THAP4: variants seen among roughly 807,000 people sequenced by gnomAD.
THAP4 encodes THAP domain containing 4, also known as peroxynitrite isomerase THAP4.
A neutral mutation model predicts 48.1 loss-of-function variants in THAP4; 18 were observed. The ratio of observed to expected loss-of-function variants is 0.37; its 90% CI spans 0.26 to 0.56. THAP4 has a LOEUF of 0.56. THAP4 is among the 20% of genes least tolerant of loss of function. The pLI, the probability that THAP4 is intolerant of heterozygous loss-of-function variation, is 0.78. For synonymous variants in THAP4, 345 were observed against 324.9 expected (o/e 1.06, Z -0.66); for missense variants, 656 against 774.9 (o/e 0.85, Z 1.82).
chr2:241,597,608 C>T (rs1358129475), intron 5 of THAP4, among the ~76,000 whole-genome samples: 1 of 152,230 alleles, frequency 6.6e-6, no homozygotes, highest in Admixed American at 6.5e-5. Context: ...CCTTTCACCC[C>T]CGCACAAGCC....
At chr2:241,604,238 T>C (rs2067152541) in intron 3 of THAP4, among the ~76,000 whole-genome samples, 1 of 151,108 alleles carries the variant, frequency 6.6e-6, no homozygotes, top group African/African-American at 2.4e-5. Context: ...ACCCGGCTAA[T>C]TTATTTATTT....
intron 2 of THAP4, among the ~76,000 whole-genome samples, chr2:241,617,726 C>T (rs1343160912): frequency 5.3e-5 from 8 of 152,180 alleles, no homozygotes; most frequent in Non-Finnish European, 8.8e-5. Context: ...CCTCAGCCTC[C>T]TCCACCAGCT....
At chr2:241,597,224 A>G (rs1319846876) in intron 5 of THAP4, among the ~76,000 whole-genome samples, 1 of 152,094 alleles carries the variant, frequency 6.6e-6, no homozygotes, top group Non-Finnish European at 1.5e-5. Context: ...TCCGCTGCCT[A>G]CCAGTTTCAA....
At chr2:241,591,237 T>C (rs1251665585) in intron 5 of THAP4, among the ~76,000 whole-genome samples, 1 of 151,906 alleles carries the variant, frequency 6.6e-6, no homozygotes, top group Non-Finnish European at 1.5e-5. Context: ...CGGCTGATGA[T>C]CATGGGCACT....
chr2:241,622,928 C>T (rs941237808), intron 2 of THAP4, among the ~76,000 whole-genome samples: 3 of 152,110 alleles, frequency 2.0e-5, no homozygotes, highest in African/African-American at 7.2e-5. Context: ...ATAAGAAACC[C>T]ACTTTGAGGC....
At chr2:241,637,345 G>T (rs1306566320), upstream of THAP4, 29 of 1,290,508 alleles carry the variant, frequency 2.2e-5, no homozygotes, top group Non-Finnish European at 2.6e-5. Context: ...ACATGGGCGC[G>T]CCGAGCACGT....
intron 5 of THAP4, among the ~76,000 whole-genome samples, chr2:241,599,978 G>C (rs887646643): frequency 6.6e-6 from 1 of 152,212 alleles, no homozygotes; most frequent in Non-Finnish European, 1.5e-5. Context: ...GGAGGCTGAG[G>C]CAGGCGGATC....
chr2:241,637,452 T>G (rs959122815), upstream of THAP4: 54 of 1,469,956 alleles, frequency 3.7e-5, no homozygotes, highest in Non-Finnish European at 4.5e-5. Flanking sequence ...GCGCCACCCA[T>G]GGCACACAGT....
chr2:241,615,769 CCT>C lies in THAP4; in HGVS notation c.1241-9298_1241-9297del, dbSNP rs2067332985. On this transcript the variant is annotated intron_variant, in intron 2 of 5. Coordinates refer to ENST00000407315, the MANE Select transcript of THAP4 (RefSeq NM_015963.6). ...TCACCTCCCACCTCTCCTCTTCACT[CCT>C]CTCTTCTCCCAGGTGGGAGTGAGGA... 1.1e-4 allele frequency among the ~76,000 whole-genome samples: 17 copies of C among 152,356 alleles called. No homozygotes were observed. The South Asian group carries it at 3.5e-3, about 32-fold the overall frequency.
chr2:241,633,286 C>G lies in THAP4; in HGVS notation c.871G>C (p.Ala291Pro), dbSNP rs773148152. ...AQSPPSSSLT[A>P]TPQKPSQSPS... is the part of the protein sequence containing the mutation. ...CTCTGGGAAGGCTTCTGCGGTGTCGCGGTAAGTGATGAGCTGGGAGGGCTC... is the reference window on the plus strand; with the variant it reads ...CTCTGGGAAGGCTTCTGCGGTGTCGGGGTAAGTGATGAGCTGGGAGGGCTC... Residue 291 changes from alanine to proline, a missense_variant, in exon 2 of 6, where the codon GCG (alanine) becomes CCG (proline). Coordinates refer to ENST00000407315, the MANE Select transcript of THAP4 (RefSeq NM_015963.6). The surrounding 1 kb of genome is among the most constrained non-coding windows in gnomAD (Gnocchi z 7.5). 6.2e-7 allele frequency: 1 copy of G among 1,611,708 alleles called. No individual in the cohort carries two copies.
intron 5 of THAP4, among the ~76,000 whole-genome samples, chr2:241,589,955 T>G (rs2066937400): frequency 6.6e-6 from 1 of 151,810 alleles, no homozygotes; most frequent in African/African-American, 2.4e-5. Context: ...CTGATGATAA[T>G]GATGGGCACT....
intron 2 of THAP4, chr2:241,617,395 A>G: frequency 1.3e-6 from 2 of 1,531,180 alleles, no homozygotes; most frequent in African/African-American, 1.4e-5. Flanking sequence ...GGCCCAAGAC[A>G]CTGAAAGCAG....
chr2:241,613,669 C>T (rs559452507), intron 2 of THAP4, among the ~76,000 whole-genome samples: 125 of 152,154 alleles, frequency 8.2e-4, no homozygotes, highest in African/African-American at 3.0e-3. Flanking sequence ...GTGGGAGGAT[C>T]GCTTGGGCCT....
intron 4 of THAP4, 95 bp from the exon 5 acceptor site, chr2:241,602,094 A>C: frequency 2.5e-6 from 3 of 1,205,890 alleles, no homozygotes; most frequent in Non-Finnish European, 3.5e-6. Flanking sequence ...ACTCCACAGG[A>C]GGCCCCAACT....
chr2:241,584,906 A>C lies in THAP4; in HGVS notation c.1615-181T>G, dbSNP rs2066874104. On this transcript the variant is annotated intron_variant, in intron 5 of 5. Coordinates refer to ENST00000407315, the MANE Select transcript of THAP4 (RefSeq NM_015963.6). The stretch of plus-strand genomic sequence containing the variant: ...GCATGTCACAATCCAGGTGCCCTTC[A>C]GCTGCCTCCAGAAGACCACCAGGGG... 1.0e-5 allele frequency: 7 copies of C among 699,134 alleles called. No individual in the cohort carries two copies. In the South Asian group the frequency reaches 1.2e-4, roughly 12 times the overall value. The allele number at this position is 699,134 out of a possible 1,614,324, so 43.3% of individuals were successfully genotyped here.
At chr2:241,615,846 C>G (rs2067334104) in intron 2 of THAP4, among the ~76,000 whole-genome samples, 1 of 152,218 alleles carries the variant, frequency 6.6e-6, no homozygotes, top group Non-Finnish European at 1.5e-5. Flanking sequence ...CCCACGGTTC[C>G]CGACACATCA....
At chr2:241,602,070 G>A (rs1342200172) in intron 4 of THAP4, 71 bp from the exon 5 acceptor site, 2 of 1,497,766 alleles carry the variant, frequency 1.3e-6, no homozygotes, top group African/African-American at 2.7e-5. Flanking sequence ...GACTCTCCTT[G>A]CCTGCAAGCC....
chr2:241,595,089 T>C (rs1269959484), intron 5 of THAP4, among the ~76,000 whole-genome samples: 1 of 152,074 alleles, frequency 6.6e-6, no homozygotes, highest in Non-Finnish European at 1.5e-5. Context: ...CTCAGCTCAT[T>C]GCAACCTCTG....
Position 241,616,542 on chromosome 2 carries a change from G to A in THAP4, c.1241-10069C>T, listed in dbSNP as rs916446664. Among the ~76,000 whole-genome samples, 5 of 152,136 alleles carry A rather than the reference G, an allele frequency of 3.3e-5. No homozygotes were observed. Among genetic ancestry groups the A allele is most frequent in the South Asian group, 2.1e-4 (1 of 4,820 alleles). ...ATGCCAGGTCAGGGAAGCAAGTCCC[G>A]CGGGCCCTGGAGAGAAGCTACCCTG... On this transcript the variant is annotated intron_variant, in intron 2 of 5. Coordinates refer to ENST00000407315, the MANE Select transcript of THAP4 (RefSeq NM_015963.6). This position sits in a 1 kb window ranked among gnomAD's most constrained non-coding sequence, Gnocchi z 4.6.
Sources: allele counts gnomAD v4.1 joint callset (sites outside exome capture counted in the v4.1 genomes callset), GRCh38; gene constraint gnomAD v4.1.1; non-coding constraint Gnocchi (gnomAD v3.1); transcripts MANE v1.5; gene names NCBI Gene and HGNC (gene_info 2026-07-23, HGNC 2026-07-21).